The following ZDHHC14 variants were observed in gnomAD, a reference collection of about 807,000 sequenced individuals.
ZDHHC14 encodes the protein zDHHC palmitoyltransferase 14.
In ZDHHC14, 16 loss-of-function variants were observed where a neutral mutation model predicts 47.7. The ratio of observed to expected loss-of-function variants is 0.34; its 90% CI spans 0.23 to 0.51. ZDHHC14 has a LOEUF of 0.51. Among genes scored for constraint, ZDHHC14 ranks in the 20% least tolerant of loss-of-function variants. ZDHHC14 has a pLI of 0.97. For missense variants in ZDHHC14, 515 were observed against 662.5 expected (o/e 0.78, Z 2.44); for synonymous variants, 293 against 278.9 (o/e 1.05, Z -0.50).
At chr6:157,450,329 T>A (rs943053484) in intron 1 of ZDHHC14, among the ~76,000 whole-genome samples, 1 of 151,986 alleles carries the variant, frequency 6.6e-6, no homozygotes, top group African/African-American at 2.4e-5. Context: ...TCTGAATCCA[T>A]GAAATATGCT....
chr6:157,521,426 C>T (rs1008552511), intron 1 of ZDHHC14, among the ~76,000 whole-genome samples: 1 of 152,162 alleles, frequency 6.6e-6, no homozygotes, highest in Non-Finnish European at 1.5e-5. Context: ...AATACCAGGC[C>T]GTGGGTAGCT....
At chr6:157,474,782 C>T (rs1293803050) in intron 1 of ZDHHC14, among the ~76,000 whole-genome samples, 1 of 151,952 alleles carries the variant, frequency 6.6e-6, no homozygotes, top group Non-Finnish European at 1.5e-5. Flanking sequence ...GTTTGAGTTC[C>T]TTATGTATTT....
At chr6:157,574,880 C>G (rs1229930088) in intron 2 of ZDHHC14, among the ~76,000 whole-genome samples, 1 of 152,220 alleles carries the variant, frequency 6.6e-6, no homozygotes, top group Non-Finnish European at 1.5e-5. Flanking sequence ...TACCTGATCA[C>G]TTTACCACAC....
intron 2 of ZDHHC14, among the ~76,000 whole-genome samples, chr6:157,565,447 A>G (rs1452176728): frequency 1.3e-5 from 2 of 152,212 alleles, no homozygotes; most frequent in African/African-American, 2.4e-5. Flanking sequence ...GAACATAGGC[A>G]AGTTACTTAG....
chr6:157,569,214 C>T (rs1238452620), intron 2 of ZDHHC14, among the ~76,000 whole-genome samples: 1 of 152,012 alleles, frequency 6.6e-6, no homozygotes, highest in Non-Finnish European at 1.5e-5. Context: ...TACTCCACTC[C>T]TCCTAATCAG....
intron 1 of ZDHHC14, among the ~76,000 whole-genome samples, chr6:157,504,183 C>CAT (rs949898059): frequency 1.0e-5 from 1 of 97,488 alleles, no homozygotes; most frequent in African/African-American, 5.8e-5. Flanking sequence ...GCAACATGGG[C>CAT]ATATATATAT....
intron 1 of ZDHHC14, among the ~76,000 whole-genome samples, chr6:157,473,322 T>C (rs1372390853): frequency 6.6e-6 from 1 of 152,220 alleles, no homozygotes; most frequent in African/African-American, 2.4e-5. Flanking sequence ...CCAGACTCCC[T>C]CCCTGACAAT....
intron 2 of ZDHHC14, among the ~76,000 whole-genome samples, chr6:157,587,680 C>T (rs1412614288): frequency 1.3e-5 from 2 of 152,198 alleles, no homozygotes; most frequent in African/African-American, 2.4e-5. Context: ...TGCTCTCCCT[C>T]GAACCTGGAA....
chr6:157,478,222 A>C (rs1360067733), intron 1 of ZDHHC14, among the ~76,000 whole-genome samples: 1 of 152,230 alleles, frequency 6.6e-6, no homozygotes, highest in Non-Finnish European at 1.5e-5. Flanking sequence ...TGAAGCAATC[A>C]TGATTTTAAA....
intron 3 of ZDHHC14, among the ~76,000 whole-genome samples, chr6:157,613,163 A>T (rs1330109835): frequency 6.6e-6 from 1 of 152,236 alleles, no homozygotes; most frequent in East Asian, 1.9e-4. Context: ...CTCAACAGAT[A>T]TCGGAGGGCC....
intron 3 of ZDHHC14, among the ~76,000 whole-genome samples, chr6:157,618,943 CCTT>C (rs1207320178): frequency 1.3e-5 from 2 of 151,998 alleles, no homozygotes; most frequent in Non-Finnish European, 2.9e-5. Flanking sequence ...TCTTTTTTCA[CCTT>C]CTTCCTCACT....
chr6:157,514,426 G>A (rs1164221198), intron 1 of ZDHHC14, among the ~76,000 whole-genome samples: 1 of 152,176 alleles, frequency 6.6e-6, no homozygotes, highest in Non-Finnish European at 1.5e-5. Context: ...TCCCCAGGTG[G>A]CTGCCAGGGT....
chr6:157,593,147 G>A lies in ZDHHC14; in HGVS notation c.565+1G>A. On this transcript the variant is annotated splice_donor_variant, in intron 3 of 8. Coordinates refer to ENST00000359775, the MANE Select transcript of ZDHHC14 (RefSeq NM_024630.3). LOFTEE classifies it high-confidence loss of function. Reference sequence around the variant, plus strand: ...TGCAGCCTTTGTGATAACTGCGTAGGTGAGTAGTGCCTGGGCGGAGCCTGG... The same window carrying A: ...TGCAGCCTTTGTGATAACTGCGTAGATGAGTAGTGCCTGGGCGGAGCCTGG... 6.2e-7 allele frequency: 1 copy of A among 1,610,610 alleles called. No homozygotes were observed. Among genetic ancestry groups the A allele is most frequent in the Non-Finnish European group, 8.5e-7 (1 of 1,178,190 alleles).
intron 1 of ZDHHC14, among the ~76,000 whole-genome samples, chr6:157,449,662 C>T (rs1778757377): frequency 6.6e-6 from 1 of 152,182 alleles, no homozygotes; most frequent in African/African-American, 2.4e-5. Flanking sequence ...CCTTCTCTCA[C>T]TTACTTGAGC....
chr6:157,611,237 T>C (rs1346779439), intron 3 of ZDHHC14, among the ~76,000 whole-genome samples: 1 of 152,174 alleles, frequency 6.6e-6, no homozygotes, highest in Non-Finnish European at 1.5e-5. Flanking sequence ...TGACCTCAGG[T>C]GATCTGCCCA....
chr6:157,636,835 G>C (rs571634466), intron 5 of ZDHHC14, among the ~76,000 whole-genome samples: 1 of 152,292 alleles, frequency 6.6e-6, no homozygotes, highest in South Asian at 2.1e-4. Context: ...GCGAAGCAAG[G>C]TGCTGGGTGC....
At chr6:157,431,485 T>G (rs9457429) in intron 1 of ZDHHC14, among the ~76,000 whole-genome samples, 36,333 of 151,782 alleles carry the variant, frequency 0.24, 4,429 homozygotes, top group East Asian at 0.34. Flanking sequence ...GTGAAGGAGC[T>G]GCTCTGTGGA....
intron 1 of ZDHHC14, among the ~76,000 whole-genome samples, chr6:157,416,307 A>C (rs1044619886): frequency 1.3e-5 from 2 of 152,162 alleles, no homozygotes; most frequent in Non-Finnish European, 2.9e-5. Flanking sequence ...TGCCATTTGA[A>C]TTTCTGTGAA....
intron 1 of ZDHHC14, among the ~76,000 whole-genome samples, chr6:157,389,697 A>C (rs1370413101): frequency 1.3e-5 from 2 of 152,218 alleles, no homozygotes. Context: ...AACCAATTAC[A>C]GTCTATCTCC....
Sources: gnomAD v4.1 joint callset for allele counts (sites outside exome capture counted in the v4.1 genomes callset) on GRCh38, gnomAD v4.1.1 for gene constraint, MANE v1.5 for transcripts, NCBI Gene and HGNC (gene_info 2026-07-23, HGNC 2026-07-21) for gene names.